FAM13A: variants seen among roughly 807,000 people sequenced by gnomAD.
FAM13A encodes the protein family with sequence similarity 13 member A, also known as protein FAM13A.
Under a neutral mutation model 129.6 loss-of-function variants are expected in FAM13A, and 76 were observed. The ratio of observed to expected loss-of-function variants is 0.59; its 90% CI spans 0.49 to 0.71. The LOEUF is 0.71. Ranked by LOEUF, FAM13A falls within the 30% of genes least tolerant of loss-of-function variation. The pLI, the probability that FAM13A is intolerant of heterozygous loss-of-function variation, is 0.00. For missense variants in FAM13A, 1,108 were observed against 1,249.3 expected (o/e 0.89, Z 1.70); for synonymous variants, 443 against 449.9 (o/e 0.98, Z 0.20).
chr4:88,840,511 C>T (rs975604386), intron 7 of FAM13A, among the ~76,000 whole-genome samples: 4 of 151,804 alleles, frequency 2.6e-5, no homozygotes, highest in African/African-American at 9.7e-5. Context: ...AGCCCTTGAG[C>T]GAGAGGGGAT....
At chr4:88,844,072 T>C (rs1328415072) in intron 7 of FAM13A, among the ~76,000 whole-genome samples, 1 of 152,190 alleles carries the variant, frequency 6.6e-6, no homozygotes, top group East Asian at 1.9e-4. Context: ...CATCTGACGG[T>C]GGAATTCAAA....
chr4:88,922,494 T>G lies in FAM13A; in HGVS notation c.759+15594A>C, dbSNP rs556770090. ...TGAAGGCAGAAATAAAGATGTTCTT[T>G]GAAACCAACGAGAACAAAGACACAA... On this transcript the variant is annotated intron_variant, in intron 5 of 23. Transcript: ENST00000264344. Among the ~76,000 whole-genome samples, 407 of 152,170 alleles carry G rather than the reference T, an allele frequency of 2.7e-3. 2 individuals are homozygous for G. The highest frequency in any genetic ancestry group is 4.3e-3 in the Non-Finnish European group (290 of 68,000).
At chr4:88,862,390 C>T (rs1232110053) in intron 6 of FAM13A, among the ~76,000 whole-genome samples, 1 of 151,946 alleles carries the variant, frequency 6.6e-6, no homozygotes, top group Non-Finnish European at 1.5e-5. Context: ...AATGAGTGGG[C>T]ATGGAAGGAA....
At chr4:88,986,431 A>G (rs946292487) in intron 4 of FAM13A, among the ~76,000 whole-genome samples, 3 of 152,186 alleles carry the variant, frequency 2.0e-5, no homozygotes, top group African/African-American at 7.2e-5. Flanking sequence ...ACCGCGCCCG[A>G]CCAATTTTCA....
At chr4:88,926,533 G>A (rs185122409) in intron 5 of FAM13A, among the ~76,000 whole-genome samples, 3 of 152,274 alleles carry the variant, frequency 2.0e-5, no homozygotes, top group East Asian at 3.9e-4. Context: ...AAGCAATTTA[G>A]TCTGTCTTCT....
intron 6 of FAM13A, among the ~76,000 whole-genome samples, chr4:88,859,901 TG>T (rs1458489181): frequency 6.6e-6 from 1 of 152,210 alleles, no homozygotes; most frequent in Non-Finnish European, 1.5e-5. Flanking sequence ...TTTTCATTTT[TG>T]TATCTCCTGC....
chr4:88,797,684 T>TA (rs1158848064), intron 8 of FAM13A, among the ~76,000 whole-genome samples: 1 of 152,190 alleles, frequency 6.6e-6, no homozygotes, highest in African/African-American at 2.4e-5. Context: ...GCCTTCAACA[T>TA]AGTTTTTAAA....
chr4:88,850,896 C>A (rs1578952945), intron 7 of FAM13A, 124 bp downstream of exon 7: 1 of 770,510 alleles, frequency 1.3e-6, no homozygotes, highest in South Asian at 2.3e-5. Flanking sequence ...TTTTAAGTAT[C>A]TTTACTGATC....
At chr4:89,048,944 A>C (rs1771207698) in intron 1 of FAM13A, among the ~76,000 whole-genome samples, 2 of 152,256 alleles carry the variant, frequency 1.3e-5, no homozygotes, top group Non-Finnish European at 2.9e-5. Context: ...TTTAACAAAG[A>C]CAAAGAAGAT....
intron 4 of FAM13A, among the ~76,000 whole-genome samples, chr4:88,950,115 GAC>G (rs1298941810): frequency 9.2e-5 from 14 of 151,886 alleles, no homozygotes; most frequent in African/African-American, 2.9e-4. Flanking sequence ...ATCTATTTTA[GAC>G]ACACAGTCTC....
intron 4 of FAM13A, among the ~76,000 whole-genome samples, chr4:88,954,885 CAAA>C (rs71598428): frequency 1.6e-5 from 2 of 123,972 alleles, no homozygotes; most frequent in Admixed American, 8.2e-5. Flanking sequence ...GACTTCGTCT[CAAA>C]AAAAAAAAAA....
At chr4:89,034,286 T>G (rs901422453) in intron 1 of FAM13A, among the ~76,000 whole-genome samples, 1 of 151,966 alleles carries the variant, frequency 6.6e-6, no homozygotes, top group Non-Finnish European at 1.5e-5. Flanking sequence ...GAACAGACAC[T>G]TCCTAAGACA....
intron 3 of FAM13A, among the ~76,000 whole-genome samples, chr4:88,995,752 T>C (rs1447698457): frequency 6.6e-6 from 1 of 152,156 alleles, no homozygotes; most frequent in Non-Finnish European, 1.5e-5. Flanking sequence ...TACTCCTTAA[T>C]AAGCCAAATA....
chr4:88,747,040 T>G, intron 18 of FAM13A, 25 bp from the exon 19 acceptor site: 5 of 1,486,028 alleles, frequency 3.4e-6, no homozygotes, highest in Non-Finnish European at 4.7e-6. Context: ...GGATAGAGAA[T>G]TGAAAGAGAG....
At chr4:88,983,262 A>G (rs1216003705) in intron 4 of FAM13A, among the ~76,000 whole-genome samples, 1 of 152,156 alleles carries the variant, frequency 6.6e-6, no homozygotes, top group Non-Finnish European at 1.5e-5. Context: ...AAATGAGGAG[A>G]CAAAGTAATA....
chr4:88,942,569 A>AAAAT (rs1204926917), intron 4 of FAM13A, among the ~76,000 whole-genome samples: 1 of 150,226 alleles, frequency 6.7e-6, no homozygotes, highest in East Asian at 1.9e-4. Flanking sequence ...TCCATCTCAA[A>AAAAT]AAATAAATAA....
chr4:88,937,252 TA>T (rs1253560478), intron 5 of FAM13A: 1 of 152,208 alleles, frequency 6.6e-6, no homozygotes, highest in East Asian at 1.9e-4. Context: ...AACATTCCTT[TA>T]AGTGCCCAAA....
intron 1 of FAM13A, among the ~76,000 whole-genome samples, chr4:89,055,925 G>A (rs1772152993): frequency 6.6e-6 from 1 of 152,104 alleles, no homozygotes; most frequent in South Asian, 2.1e-4. Flanking sequence ...TGACCATTTG[G>A]TGTCTGTGTG....
intron 4 of FAM13A, among the ~76,000 whole-genome samples, chr4:88,961,462 G>T (rs550205257): frequency 9.7e-4 from 138 of 142,416 alleles, no homozygotes; most frequent in African/African-American, 3.6e-3. Context: ...CCACCTGCTG[G>T]GTTCAAGCAA....
Sources: gnomAD v4.1 joint callset for allele counts (sites outside exome capture counted in the v4.1 genomes callset) on GRCh38, gnomAD v4.1.1 for gene constraint, MANE v1.5 for transcripts, NCBI Gene and HGNC (gene_info 2026-07-23, HGNC 2026-07-21) for gene names.